DIAPH2: variants seen among roughly 807,000 people sequenced by gnomAD.
DIAPH2 encodes diaphanous related formin 2, also known as protein diaphanous homolog 2.
A neutral mutation model predicts 92.7 loss-of-function variants in DIAPH2; 35 were observed. That is an observed-to-expected ratio of 0.38 (90% CI 0.29 to 0.50). DIAPH2 has a LOEUF of 0.50. Among genes scored for constraint, DIAPH2 ranks in the 20% least tolerant of loss-of-function variants. The pLI is 0.94. For missense variants in DIAPH2, 701 were observed against 819.5 expected, an observed-to-expected ratio of 0.86 and a Z score of 1.77; for synonymous variants, 301 against 280.4, an observed-to-expected ratio of 1.07 and a Z score of -0.73.
At chrX:96,814,466 C>G (rs2064714440) in intron 4 of DIAPH2, among the ~76,000 whole-genome samples, 1 of 111,744 alleles carries the variant, frequency 8.9e-6, no homozygotes, top group Non-Finnish European at 1.9e-5. Flanking sequence ...GCAATGGGTT[C>G]AAACATCTTC....
At position 97,602,633 on chromosome X, in the gene DIAPH2, T is replaced by G. The variant is rs1368682895; in HGVS notation, c.*3316T>G. 8.9e-6 allele frequency: 1 copy of G among 112,113 alleles called. No homozygotes were observed. Among genetic ancestry groups the G allele is most frequent in the Non-Finnish European group, 1.9e-5 (1 of 53,243 alleles). The allele number at this position is 112,113 out of a possible 1,213,427, so 9.2% of individuals were successfully genotyped here. Reference sequence around the variant, plus strand: ...CCACCCTTTGGGCCTGTAGCTCTTCTTTCTTGGACTATGGATTGGGCCTCT... The same window carrying G: ...CCACCCTTTGGGCCTGTAGCTCTTCGTTCTTGGACTATGGATTGGGCCTCT... On this transcript the variant is annotated 3_prime_UTR_variant, in exon 27 of 27. Coordinates refer to ENST00000324765, the MANE Select transcript of DIAPH2 (RefSeq NM_006729.5).
At chrX:97,174,130 G>A (rs756678443) in intron 22 of DIAPH2, among the ~76,000 whole-genome samples, 84 of 105,428 alleles carry the variant, frequency 8.0e-4, no homozygotes, top group African/African-American at 2.2e-3. Context: ...TTGCATATGC[G>A]CATGATAATT....
At chrX:97,459,506 T>G (rs2070439895) in intron 26 of DIAPH2, among the ~76,000 whole-genome samples, 1 of 112,171 alleles carries the variant, frequency 8.9e-6, no homozygotes, top group Non-Finnish European at 1.9e-5. Flanking sequence ...CATAATAGAG[T>G]TATCTCCCTC....
chrX:97,259,908 C>T (rs1257464787), intron 23 of DIAPH2, among the ~76,000 whole-genome samples: 2 of 112,136 alleles, frequency 1.8e-5, no homozygotes, highest in Admixed American at 9.5e-5. Context: ...CGGCTCACTA[C>T]AACCTCTGCC....
At chrX:96,786,062 C>T (rs984657357) in intron 4 of DIAPH2, among the ~76,000 whole-genome samples, 10 of 111,645 alleles carry the variant, frequency 9.0e-5, no homozygotes, top group Non-Finnish European at 7.5e-5. Context: ...TAGAAACTTT[C>T]ACAAGGTTAA....
chrX:97,594,629 A>T (rs1458155106), intron 26 of DIAPH2, among the ~76,000 whole-genome samples: 2 of 112,874 alleles, frequency 1.8e-5, no homozygotes, highest in African/African-American at 6.4e-5. Context: ...ACTGATGGTA[A>T]ATCTGCCACA....
chrX:96,829,462 A>AT (rs1569407176), intron 4 of DIAPH2, among the ~76,000 whole-genome samples: 3 of 26,645 alleles, frequency 1.1e-4, no homozygotes, highest in Admixed American at 5.7e-4. Flanking sequence ...TATATATATA[A>AT]AACAAGGCAA....
chrX:97,097,095 C>T (rs183630178), intron 19 of DIAPH2, among the ~76,000 whole-genome samples: 1 of 111,480 alleles, frequency 9.0e-6, no homozygotes, highest in East Asian at 2.8e-4. Context: ...TCTCTCTCTC[C>T]TCTGTATTAT....
chrX:97,114,659 C>T, intron 20 of DIAPH2, 67 bp from the exon 21 acceptor site: 2 of 945,976 alleles, frequency 2.1e-6, no homozygotes, highest in Non-Finnish European at 2.8e-6. Flanking sequence ...ATGAAATTAT[C>T]CCCACTAAAG....
chrX:96,944,550 A>C (rs1178473416), intron 13 of DIAPH2, among the ~76,000 whole-genome samples: 1 of 111,715 alleles, frequency 9.0e-6, no homozygotes, highest in Non-Finnish European at 1.9e-5. Context: ...GATATTACTG[A>C]TCTCTCTCTT....
chrX:96,858,611 A>G (rs1041906774), intron 4 of DIAPH2, among the ~76,000 whole-genome samples: 9 of 111,966 alleles, frequency 8.0e-5, no homozygotes, highest in Admixed American at 3.8e-4. Flanking sequence ...GCATAATGCC[A>G]AGTTAGCTAG....
chrX:96,704,971 GTTTTTTTTT>G (rs397896760), intron 1 of DIAPH2, among the ~76,000 whole-genome samples: 1 of 84,578 alleles, frequency 1.2e-5, no homozygotes, highest in Non-Finnish European at 2.2e-5. Context: ...AAAACAGAGG[GTTTTTTTTT>G]TTTTTTTTTT....
chrX:97,470,729 T>C (rs2070555569), intron 26 of DIAPH2, among the ~76,000 whole-genome samples: 1 of 108,637 alleles, frequency 9.2e-6, no homozygotes, highest in African/African-American at 3.3e-5. Context: ...GAGACTCGGC[T>C]CTTGGCTCTC....
intron 4 of DIAPH2, among the ~76,000 whole-genome samples, chrX:96,802,864 G>A (rs2064594367): frequency 8.9e-6 from 1 of 111,818 alleles, no homozygotes; most frequent in African/African-American, 3.3e-5. Flanking sequence ...TCAGTCTATG[G>A]CTGAAGGCCT....
chrX:97,411,553 T>C (rs927203782), intron 25 of DIAPH2, among the ~76,000 whole-genome samples: 25 of 111,682 alleles, frequency 2.2e-4, no homozygotes, highest in Admixed American at 2.0e-3. Flanking sequence ...CAAATAACAA[T>C]ATTAAGCTTA....
intron 4 of DIAPH2, among the ~76,000 whole-genome samples, chrX:96,799,092 G>A (rs2064561993): frequency 9.3e-6 from 1 of 107,836 alleles, no homozygotes; most frequent in African/African-American, 3.4e-5. Flanking sequence ...CCTCTTCTCT[G>A]GTAATGTGCC....
chrX:96,868,082 G>A (rs2065116937), intron 4 of DIAPH2, among the ~76,000 whole-genome samples: 1 of 111,940 alleles, frequency 8.9e-6, no homozygotes, highest in African/African-American at 3.2e-5. Context: ...TGTGCCTACC[G>A]TGCCGTAGGA....
intron 15 of DIAPH2, among the ~76,000 whole-genome samples, chrX:96,950,802 T>C (rs754724719): frequency 9.0e-6 from 1 of 110,904 alleles, no homozygotes; most frequent in South Asian, 3.9e-4. Flanking sequence ...CTGGCATGAG[T>C]TTTTCCTCCT....
chrX:96,851,469 C>T (rs1364489560), intron 4 of DIAPH2, among the ~76,000 whole-genome samples: 1 of 111,657 alleles, frequency 9.0e-6, no homozygotes, highest in Non-Finnish European at 1.9e-5. Flanking sequence ...CAGAACCACC[C>T]CCCCTTGCCA....
Sources: gnomAD v4.1 joint callset for allele counts (sites outside exome capture counted in the v4.1 genomes callset) on GRCh38, gnomAD v4.1.1 for gene constraint, MANE v1.5 for transcripts, NCBI Gene and HGNC (gene_info 2026-07-23, HGNC 2026-07-21) for gene names.